RNF34: variants seen among roughly 807,000 people sequenced by gnomAD.
The protein encoded by RNF34 is ring finger protein 34, also known as E3 ubiquitin-protein ligase RNF34.
Under a neutral mutation model 37.9 loss-of-function variants are expected in RNF34, and 12 were observed. The ratio of observed to expected loss-of-function variants is 0.32; its 90% CI spans 0.20 to 0.51. The LOEUF (loss-of-function observed/expected upper bound fraction) is 0.51, where lower values mean the gene tolerates loss of function less well. Among genes scored for constraint, RNF34 ranks in the 20% least tolerant of loss-of-function variants. The probability of loss-of-function intolerance (pLI) is 0.97; values close to 1 mark genes in which losing one functional copy is unlikely to be tolerated. For missense variants in RNF34, 362 were observed against 472.7 expected, an observed-to-expected ratio of 0.77 and a Z score of 2.17; for synonymous variants, 155 against 177.2, an observed-to-expected ratio of 0.87 and a Z score of 1.00.
chr12:121,420,977 G>C (rs1872075269), intron 5 of RNF34, among the ~76,000 whole-genome samples, 199 bp downstream of exon 5: 1 of 152,136 alleles, frequency 6.6e-6, no homozygotes, highest in Non-Finnish European at 1.5e-5. Context: ...ATGGCTGCGA[G>C]ACCACCACTG....
At chr12:121,420,200 A>G (rs1036122546) in intron 3 of RNF34, 42 bp from the exon 4 acceptor site, 20 of 1,589,534 alleles carry the variant, frequency 1.3e-5, no homozygotes, top group Non-Finnish European at 1.6e-5. Flanking sequence ...TGATAAATAC[A>G]GATTGATTCC....
intron 1 of RNF34, among the ~76,000 whole-genome samples, chr12:121,407,612 T>C (rs1263812582): frequency 6.6e-6 from 1 of 151,854 alleles, no homozygotes; most frequent in Non-Finnish European, 1.5e-5. Context: ...GGAAATGGAG[T>C]GGTTTGTAGA....
intron 1 of RNF34, among the ~76,000 whole-genome samples, chr12:121,406,924 T>G (rs1214309310): frequency 2.0e-5 from 3 of 152,132 alleles, no homozygotes; most frequent in Admixed American, 2.0e-4. Context: ...AAAATATAAT[T>G]TCAACTTTTA....
chr12:121,404,840 T>TC (rs1164703269), intron 1 of RNF34: 2 of 152,194 alleles, frequency 1.3e-5, no homozygotes, highest in Admixed American at 6.5e-5. Flanking sequence ...AAGTATTTTC[T>TC]CCCCACAGGG....
intron 1 of RNF34, among the ~76,000 whole-genome samples, chr12:121,410,613 C>T (rs1870973006): frequency 6.6e-6 from 1 of 152,054 alleles, no homozygotes; most frequent in South Asian, 2.1e-4. Flanking sequence ...GGGGCTTCCC[C>T]TGCTTCAAAT....
intron 1 of RNF34, 79 bp from the exon 2 acceptor site, chr12:121,416,080 C>A: frequency 8.4e-7 from 1 of 1,187,076 alleles, no homozygotes. Context: ...CTTACCTCTC[C>A]AGAATAGCAT....
intron 3 of RNF34, chr12:121,418,243 G>A (rs1871762144): frequency 8.3e-6 from 2 of 239,542 alleles, no homozygotes; most frequent in African/African-American, 2.3e-5. Context: ...GTAGTGTTAT[G>A]TGTTAGTGCA....
At position 121,416,187 on chromosome 12, in the gene RNF34, G is replaced by C. The variant is rs1404351783; in HGVS notation, c.35G>C (p.Cys12Ser). 2 of 1,614,008 alleles carry C rather than the reference G, an allele frequency of 1.2e-6. No homozygotes were observed. The highest frequency in any genetic ancestry group is 1.7e-6 in the Non-Finnish European group (2 of 1,180,028). The change falls in exon 2 of 6, where the codon TGC (cysteine) becomes TCC (serine). Residue 12 changes from cysteine (C) to serine (S), a missense_variant. Coordinates refer to ENST00000361234, the MANE Select transcript of RNF34 (RefSeq NM_025126.4). The stretch of plus-strand genomic sequence containing the variant: ...GGTGCCACGTCTATGTGGGCTTCGT[G>C]CTGTGGGCTGCTGAATGAAGTCATG... ...KAGATSMWAS[C>S]CGLLNEVMGT...
At position 121,408,119 on chromosome 12, in the gene RNF34, A is replaced by G. The variant is rs146717385; in HGVS notation, c.6+7901A>G. The stretch of plus-strand genomic sequence containing the variant: ...CCTGGAGTTTGAGATCAGCCTGGGC[A>G]GCATATCAAGACCCCGTCTCTAAAA... On this transcript the variant is annotated intron_variant, in intron 1 of 5. Coordinates refer to ENST00000361234, the MANE Select transcript of RNF34 (RefSeq NM_025126.4). 3.9e-3 allele frequency among the ~76,000 whole-genome samples: 595 copies of G among 152,250 alleles called. 3 individuals carry two copies. Among genetic ancestry groups the G allele is most frequent in the Non-Finnish European group, 7.2e-3 (487 of 68,026 alleles).
chr12:121,408,134 C>T (rs1338589208), intron 1 of RNF34, among the ~76,000 whole-genome samples: 2 of 151,890 alleles, frequency 1.3e-5, no homozygotes, highest in African/African-American at 2.4e-5. Context: ...ATCAAGACCC[C>T]GTCTCTAAAA....
intron 3 of RNF34, among the ~76,000 whole-genome samples, chr12:121,419,603 C>T (rs1011702437): frequency 6.6e-6 from 1 of 151,986 alleles, no homozygotes; most frequent in Admixed American, 6.5e-5. Flanking sequence ...AATTGGGAAC[C>T]GACCTAGCTT....
chr12:121,400,961 G>C (rs554046703), intron 1 of RNF34, among the ~76,000 whole-genome samples: 79 of 152,306 alleles, frequency 5.2e-4, no homozygotes, highest in Non-Finnish European at 9.4e-4. Flanking sequence ...AGAGCTTTGT[G>C]AACAGCAGTC....
rs782212928 is a variant in RNF34 at position 121,420,244 on chromosome 12, A to G, written c.636A>G (p.Val212=). ...TCAGATACGTTGTATAAGTGTAGGTACAAAGTGAAATCACTTCAGCAAACA... is the reference window on the plus strand; with the variant it reads ...TCAGATACGTTGTATAAGTGTAGGTGCAAAGTGAAATCACTTCAGCAAACA... The part of the protein sequence containing the change: ...QTSRSGVPAQ[V]QSEITSANTE... Residue 212 remains valine (V), a splice_region_variant and synonymous_variant, in exon 4 of 6, where the codon GTA becomes GTG. Coordinates refer to ENST00000361234, the MANE Select transcript of RNF34 (RefSeq NM_025126.4). 7 of 1,608,784 alleles carry G rather than the reference A, an allele frequency of 4.4e-6. No homozygotes were observed. The highest frequency in any genetic ancestry group is 6.0e-6 in the Non-Finnish European group (7 of 1,176,284).
In RNF34 at chr12:121,423,484, A is replaced by G. The variant is rs1555283803; in HGVS notation, c.1027A>G (p.Met343Val). The G allele has an allele frequency of 6.2e-7, 1 of 1,613,980 alleles. No homozygotes were observed. The highest frequency in any genetic ancestry group is 1.3e-5 in the African/African-American group (1 of 74,952). The change falls in exon 6 of 6, where the codon ATG becomes GTG. Residue 343 changes from methionine (M) to valine (V), a missense_variant. Physicochemically the swap from Met to Val is conservative, Grantham distance 21. Coordinates refer to ENST00000361234, the MANE Select transcript of RNF34 (RefSeq NM_025126.4). The surrounding 1 kb of genome is among the most constrained non-coding windows in gnomAD (Gnocchi z 4.3). ...CTGTGTCCTACTGGAGTGTGGGCACATGGTTACCTGCACCAAGTGCGGCAA... is the reference window on the plus strand; with the variant it reads ...CTGTGTCCTACTGGAGTGTGGGCACGTGGTTACCTGCACCAAGTGCGGCAA... The part of the protein sequence containing the change: ...IDCVLLECGH[M>V]VTCTKCGKRM...
At chr12:121,421,475 C>T (rs1872159819) in intron 5 of RNF34, among the ~76,000 whole-genome samples, 1 of 150,950 alleles carries the variant, frequency 6.6e-6, no homozygotes, top group African/African-American at 2.4e-5. Flanking sequence ...ATTGCTTGAG[C>T]CTGCAGGGAG....
At chr12:121,402,743 TG>T in intron 1 of RNF34, 2 of 1,583,240 alleles carry the variant, frequency 1.3e-6, no homozygotes. Flanking sequence ...CTCTGAAAGG[TG>T]GGGGAGTGGT....
chr12:121,422,781 A>G (rs1225256670), intron 5 of RNF34, among the ~76,000 whole-genome samples: 1 of 152,110 alleles, frequency 6.6e-6, no homozygotes, highest in African/African-American at 2.4e-5. Flanking sequence ...ATTTTCTCAG[A>G]TGTAAAGGTG....
chr12:121,420,215 C>G, intron 3 of RNF34, 27 bp from the exon 4 acceptor site: 6 of 1,604,894 alleles, frequency 3.7e-6, no homozygotes, highest in Non-Finnish European at 5.1e-6. Flanking sequence ...GATTCCTGAC[C>G]TAATCAGATA....
intron 5 of RNF34, 42 bp downstream of exon 5, chr12:121,420,820 T>C (rs782453199): frequency 6.7e-7 from 1 of 1,500,048 alleles, no homozygotes; most frequent in African/African-American, 1.4e-5. Flanking sequence ...TATTTTTCCT[T>C]AGGCTTTTAA....
Sources: gnomAD v4.1 joint callset for allele counts (sites outside exome capture counted in the v4.1 genomes callset) on GRCh38, gnomAD v4.1.1 for gene constraint, Gnocchi (gnomAD v3.1) non-coding constraint, MANE v1.5 for transcripts, NCBI Gene and HGNC (gene_info 2026-07-23, HGNC 2026-07-21) for gene names.